RNF17: variants seen among roughly 807,000 people sequenced by gnomAD.
RNF17 encodes the protein spermatogenesis associated 23.
Under a neutral mutation model 200.5 loss-of-function variants are expected in RNF17, and 31 were observed. That is an observed-to-expected ratio of 0.15 (90% CI 0.12 to 0.21). The LOEUF is 0.21. Ranked by LOEUF, RNF17 falls within the 10% of genes least tolerant of loss-of-function variation. The pLI, the probability that RNF17 is intolerant of heterozygous loss-of-function variation, is 1.00. For missense variants in RNF17, 1,628 were observed against 1,905.1 expected, an observed-to-expected ratio of 0.85 and a Z score of 2.71; for synonymous variants, 606 against 637.8, an observed-to-expected ratio of 0.95 and a Z score of 0.75.
chr13:24,826,858 C>T (rs928241333), intron 16 of RNF17, among the ~76,000 whole-genome samples: 4 of 151,684 alleles, frequency 2.6e-5, no homozygotes, highest in Non-Finnish European at 4.4e-5. Context: ...GTCGGGAGTT[C>T]GAGACCAGCC....
At chr13:24,850,216 T>C (rs1891719586) in intron 22 of RNF17, 125 bp from the exon 23 acceptor site, 3 of 483,212 alleles carry the variant, frequency 6.2e-6, no homozygotes, top group Non-Finnish European at 7.2e-6. Context: ...GTTTAAATTG[T>C]TTTTTTTACT....
chr13:24,884,592 AT>A (rs2079790185), downstream of RNF17: 1 of 897,606 alleles, frequency 1.1e-6, no homozygotes, highest in African/African-American at 1.7e-5. Flanking sequence ...AAGATCCTTT[AT>A]TTCGTGAGGA....
At position 24,877,015 on chromosome 13, in the gene RNF17, T is replaced by A; in HGVS notation, c.4602T>A (p.Ser1534=). The change falls in exon 34 of 36, where the codon TCT becomes TCA. Residue 1534 remains serine (S), a synonymous_variant. Coordinates refer to ENST00000255324, the MANE Select transcript of RNF17 (RefSeq NM_031277.3). ...LTLNRLCQIP[S]HLMRYPARAI... is the part of the protein sequence containing the mutation. ...GTGACAGACTGTGCCAAATTCCTTC[T>A]CATCTTATGCGGTATCCAGCTCGAG... 6.3e-7 allele frequency: 1 copy of A among 1,596,424 alleles called. No homozygotes were observed. The highest frequency in any genetic ancestry group is 2.2e-5 in the East Asian group (1 of 44,462).
At chr13:24,839,794 G>A (rs1357582326) in intron 18 of RNF17, among the ~76,000 whole-genome samples, 1 of 152,100 alleles carries the variant, frequency 6.6e-6, no homozygotes, top group Admixed American at 6.6e-5. Context: ...AGATACCGTT[G>A]GAAAAACCTT....
intron 25 of RNF17, among the ~76,000 whole-genome samples, chr13:24,856,267 A>G (rs59544883): frequency 0.068 from 10,290 of 152,012 alleles, 1,167 homozygotes; most frequent in African/African-American, 0.24. Flanking sequence ...TAAAAATACA[A>G]AAATTAGCTG....
chr13:24,778,160 A>G (rs7334713), intron 3 of RNF17, 135 bp from the exon 4 acceptor site: 573,330 of 578,582 alleles, frequency 0.99, 284,147 homozygotes, highest in Non-Finnish European at 1. Flanking sequence ...TACTTGGGAG[A>G]CTGAGGTGGG....
chr13:24,758,247 T>TA, the RNF17 span, among the ~76,000 whole-genome samples: 1 of 152,194 alleles, frequency 6.6e-6, no homozygotes, highest in Non-Finnish European at 1.5e-5. Context: ...CTTTGTCCCT[T>TA]TCCATCTGCC....
chr13:24,762,288 T>G (rs149275991), upstream of RNF17, among the ~76,000 whole-genome samples: 2,094 of 147,652 alleles, frequency 0.014, 20 homozygotes, highest in Non-Finnish European at 0.023. Flanking sequence ...GAGAATTGCT[T>G]GAACCCGGAG....
At chr13:24,839,374 G>T (rs1890366850) in intron 18 of RNF17, among the ~76,000 whole-genome samples, 1 of 152,020 alleles carries the variant, frequency 6.6e-6, no homozygotes, top group South Asian at 2.1e-4. Context: ...CAGAGAATTA[G>T]AAAAAACAAT....
At chr13:24,782,493 C>A (rs1747456582) in intron 6 of RNF17, among the ~76,000 whole-genome samples, 1 of 152,006 alleles carries the variant, frequency 6.6e-6, no homozygotes, top group South Asian at 2.1e-4. Context: ...TAACGGTGCC[C>A]AGCTGAAGCT....
At chr13:24,845,695 C>T (rs1271818260) in intron 22 of RNF17, among the ~76,000 whole-genome samples, 3 of 152,098 alleles carry the variant, frequency 2.0e-5, no homozygotes, top group Non-Finnish European at 4.4e-5. Flanking sequence ...GCAGGCTAAT[C>T]TGAGAATAGC....
At chr13:24,887,969 C>T in the RNF17 span, among the ~76,000 whole-genome samples, 23 of 152,306 alleles carry the variant, frequency 1.5e-4, no homozygotes, top group South Asian at 4.6e-3. Context: ...AGAAAAGCCA[C>T]GGGCTCCACA....
chr13:24,853,088 A>G (rs1233412100), intron 24 of RNF17, among the ~76,000 whole-genome samples: 2 of 151,882 alleles, frequency 1.3e-5, no homozygotes, highest in Non-Finnish European at 2.9e-5. Context: ...TAATTTTTCT[A>G]TTTGTAGTAG....
chr13:24,795,401 C>G (rs1220780068), intron 10 of RNF17, among the ~76,000 whole-genome samples: 1 of 150,020 alleles, frequency 6.7e-6, no homozygotes, highest in Non-Finnish European at 1.5e-5. Flanking sequence ...CTCTCTCTCT[C>G]TATGTGTGTG....
intron 18 of RNF17, among the ~76,000 whole-genome samples, chr13:24,841,424 A>G (rs561452156): frequency 6.6e-6 from 1 of 152,314 alleles, no homozygotes; most frequent in Admixed American, 6.5e-5. Flanking sequence ...AATTAAGAAT[A>G]CAACAAAACA....
intron 5 of RNF17, among the ~76,000 whole-genome samples, chr13:24,781,347 T>G (rs941168125): frequency 1.3e-5 from 2 of 152,068 alleles, no homozygotes; most frequent in African/African-American, 4.8e-5. Context: ...AAAATGCCAG[T>G]AAGGCCAGGT....
At chr13:24,764,359 C>T (rs566459849) in intron 1 of RNF17, 26 bp downstream of exon 1, 26 of 1,558,750 alleles carry the variant, frequency 1.7e-5, no homozygotes, top group East Asian at 7.1e-5. Context: ...GCCCACCTAG[C>T]GGGGAGGCAG....
At chr13:24,801,018 G>A (rs1236617100) in intron 13 of RNF17, among the ~76,000 whole-genome samples, 1 of 152,172 alleles carries the variant, frequency 6.6e-6, no homozygotes, top group African/African-American at 2.4e-5. Context: ...GAGAGCAGAG[G>A]AGTCTGTCTT....
At position 24,825,706 on chromosome 13, in the gene RNF17, C is replaced by G. The variant is rs762740238; in HGVS notation, c.2179C>G (p.Pro727Ala). The change falls in exon 16 of 36, where the codon CCA becomes GCA. Residue 727 changes from proline to alanine, a missense_variant. Physicochemically the swap from Pro to Ala is conservative, Grantham distance 27. Around this residue, in one of 5 missense-constraint regions of RNF17, gnomAD observed 289 missense variants for 384.9 expected, o/e 0.75. Coordinates refer to ENST00000255324, the MANE Select transcript of RNF17 (RefSeq NM_031277.3). Reference protein sequence around the residue: ...EDGENLEILCPVQDQACVAKF... With the variant: ...EDGENLEILCAVQDQACVAKF... ...TGGAGAAAATCTGGAAATCCTCTGT[C>G]CAGTTCAAGATCAAGCCTGTGTAGC... is the stretch of plus-strand genomic sequence containing the variant. 5.0e-6 allele frequency: 8 copies of G among 1,613,322 alleles called. No homozygotes were observed. The highest frequency in any genetic ancestry group is 5.9e-6 in the Non-Finnish European group (7 of 1,179,566).
Sources: gnomAD v4.1 joint callset for allele counts (sites outside exome capture counted in the v4.1 genomes callset) on GRCh38, gnomAD v4.1.1 for gene constraint, gnomAD v4.1.1 regional missense constraint, MANE v1.5 for transcripts, NCBI Gene and HGNC (gene_info 2026-07-23, HGNC 2026-07-21) for gene names.